UNG: variants seen among roughly 807,000 people sequenced by gnomAD.
UNG encodes uracil DNA glycosylase, also known as uracil-DNA glycosylase.
A neutral mutation model predicts 36.5 loss-of-function variants in UNG; 34 were observed. The ratio of observed to expected loss-of-function variants is 0.93; its 90% confidence interval spans 0.71 to 1.24. The LOEUF is 1.24. UNG is among the 50% of genes most tolerant of loss of function. UNG has a pLI of 0.00. For synonymous variants in UNG, 172 were observed against 157.8 expected, an observed-to-expected ratio of 1.09 and a Z score of -0.67; for missense variants, 391 against 397.6, an observed-to-expected ratio of 0.98 and a Z score of 0.14.
At chr12:109,108,960 G>T (rs993025382) in intron 6 of UNG, among the ~76,000 whole-genome samples, 1 of 152,104 alleles carries the variant, frequency 6.6e-6, no homozygotes, top group East Asian at 1.9e-4. Flanking sequence ...TCAGTACAGT[G>T]TTCAATGAGT....
At position 109,110,910 on chromosome 12, in the gene UNG, C is replaced by T. The variant is rs537943191; in HGVS notation, c.*941C>T. 2 of 152,200 alleles carry T rather than the reference C, an allele frequency of 1.3e-5. No homozygotes were observed. The highest frequency in any genetic ancestry group is 2.4e-5 in the African/African-American group (1 of 41,524). The allele number at this position is 152,200 out of a possible 1,614,324, so 9.4% of individuals were successfully genotyped here. On this transcript the variant is annotated 3_prime_UTR_variant, in exon 7 of 7. Coordinates refer to ENST00000242576, the MANE Select transcript of UNG (RefSeq NM_080911.3). ...TTGGGTCTGCACCTCCATCCTTGATCTTGTTAGCAATGCTGTTTTTGCTGT... is the reference window on the plus strand; with the variant it reads ...TTGGGTCTGCACCTCCATCCTTGATTTTGTTAGCAATGCTGTTTTTGCTGT...
chr12:109,101,934 T>C lies in UNG; in HGVS notation c.468T>C (p.Tyr156=). 1 of 1,614,076 alleles carries C rather than the reference T, an allele frequency of 6.2e-7. No homozygotes were observed. Among genetic ancestry groups the C allele is most frequent in the Non-Finnish European group, 8.5e-7 (1 of 1,179,994 alleles). ...TTGTCATCCTGGGACAGGATCCATA[T>C]CATGGACCTAATCAAGCTCACGGGC... ...VKVVILGQDP[Y]HGPNQAHGLC... The change falls in exon 4 of 7, where the codon TAT becomes TAC. Residue 156 remains tyrosine, a synonymous_variant. Transcript: ENST00000242576.
chr12:109,108,558 G>C (rs1383494561), intron 6 of UNG, among the ~76,000 whole-genome samples: 1 of 152,142 alleles, frequency 6.6e-6, no homozygotes, highest in Non-Finnish European at 1.5e-5. Context: ...CTTGAGCCTA[G>C]GAGGTGGAGG....
intron 4 of UNG, 103 bp from the exon 5 acceptor site, chr12:109,102,736 T>A (rs2042187481): frequency 1.1e-6 from 1 of 913,600 alleles, no homozygotes; most frequent in Middle Eastern, 2.2e-4. Context: ...TTCCAAGGGC[T>A]GGCTGTAACT....
Position 109,110,414 on chromosome 12 carries a change from C to T in UNG, c.*445C>T, listed in dbSNP as rs769388131. ...TCTCAGCCTTGCAGGGCAGGCATGC[C>T]AGTCTCTGCCAGTTCCACTGCCCCC... On this transcript the variant is annotated 3_prime_UTR_variant, in exon 7 of 7. Coordinates refer to ENST00000242576, the MANE Select transcript of UNG (RefSeq NM_080911.3). The T allele has an allele frequency of 6.9e-5, 15 of 216,786 alleles. No homozygotes were observed. Among genetic ancestry groups the T allele is most frequent in the Non-Finnish European group, 1.1e-4 (12 of 106,506 alleles). The allele number at this position is 216,786 out of a possible 1,614,324, so 13.4% of individuals were successfully genotyped here.
chr12:109,104,697 A>G (rs117999862), intron 6 of UNG, among the ~76,000 whole-genome samples: 1 of 151,942 alleles, frequency 6.6e-6, no homozygotes, highest in African/African-American at 2.4e-5. Flanking sequence ...GGAGGGAGAG[A>G]TAGGGGGTGG....
In UNG at chr12:109,099,173, T is replaced by A. The variant is rs771487677; in HGVS notation, c.340-16T>A. 1.2e-6 allele frequency: 2 copies of A among 1,606,260 alleles called. No individual in the cohort carries two copies. Among genetic ancestry groups the A allele is most frequent in the South Asian group, 2.2e-5 (2 of 90,898 alleles). The stretch of plus-strand genomic sequence containing the variant: ...AATGAGAATCTGATTTTAAGTCTAG[T>A]TTATCTTTAAATCAGCTAATGGGAT... On this transcript the variant is annotated splice_polypyrimidine_tract_variant and intron_variant, in intron 2 of 6. Transcript: ENST00000242576.
intron 6 of UNG, among the ~76,000 whole-genome samples, chr12:109,106,907 A>G (rs55654931): frequency 0.02 from 577 of 29,564 alleles, 2 homozygotes; most frequent in East Asian, 0.065. Flanking sequence ...ATATATACGT[A>G]TATATATATG....
rs1347684951 is a variant in UNG at position 109,099,369 on chromosome 12, G to A, written c.435+85G>A. On this transcript the variant is annotated intron_variant, in intron 3 of 6. Coordinates refer to ENST00000242576, the MANE Select transcript of UNG (RefSeq NM_080911.3). ...TTAGGGACACTGGAGTTAAGCCACA[G>A]TCCATCATTCAGTAGTAAATAAAAC... is the stretch of plus-strand genomic sequence containing the variant. 4.8e-5 allele frequency: 55 copies of A among 1,153,072 alleles called. No homozygotes were observed. The East Asian group carries it at 1.3e-3, about 27-fold the overall frequency. 71.4% of individuals were successfully genotyped at this position (1,153,072 alleles called of 1,614,324 possible). A position where few individuals can be genotyped will look rare whatever the true frequency, so the allele number is the denominator to read the frequency against.
chr12:109,098,159 G>C, intron 1 of UNG: 3 of 1,394,122 alleles, frequency 2.2e-6, no homozygotes, highest in Non-Finnish European at 2.8e-6. Context: ...TCTGGCGGGG[G>C]CGGGGCACCT....
chr12:109,100,128 G>A (rs189088822), intron 3 of UNG, among the ~76,000 whole-genome samples: 8 of 151,988 alleles, frequency 5.3e-5, no homozygotes, highest in Non-Finnish European at 8.8e-5. Context: ...TCTTTAAATA[G>A]GGCCACGTCC....
chr12:109,109,763 C>CAAAAAAAAAA lies in UNG; in HGVS notation c.802-57_802-48dup, dbSNP rs71079524. On this transcript the variant is annotated intron_variant, in intron 6 of 6. Transcript: ENST00000242576. ...ACGCCACTGCAGCAAGACTCTGTCT[C>CAAAAAAAAAA]AAAAAAAAAAAAAAAAAATTTAAAA... is the stretch of plus-strand genomic sequence containing the variant. 42 of 1,303,076 alleles carry CAAAAAAAAAA rather than the reference C, an allele frequency of 3.2e-5. No individual in the cohort carries two copies. The African/African-American group carries it at 6.7e-4, about 21-fold the overall frequency. 80.7% of individuals were successfully genotyped at this position (1,303,076 alleles called of 1,614,324 possible). A position where few individuals can be genotyped will look rare whatever the true frequency, so the allele number is the denominator to read the frequency against.
chr12:109,099,370 T>G, intron 3 of UNG, 86 bp downstream of exon 3: 1 of 1,140,924 alleles, frequency 8.8e-7, no homozygotes, highest in Admixed American at 1.8e-5. Flanking sequence ...TAAGCCACAG[T>G]CCATCATTCA....
At chr12:109,109,534 A>G (rs534217754) in intron 6 of UNG, among the ~76,000 whole-genome samples, 8 of 151,768 alleles carry the variant, frequency 5.3e-5, no homozygotes, top group Non-Finnish European at 7.4e-5. Context: ...CTGTAATCCC[A>G]GCACTTTGGG....
At chr12:109,101,268 T>C (rs541710193) in intron 3 of UNG, among the ~76,000 whole-genome samples, 1 of 151,866 alleles carries the variant, frequency 6.6e-6, no homozygotes, top group Non-Finnish European at 1.5e-5. Flanking sequence ...AATTTTTGTA[T>C]TTTTAGTAGA....
intron 3 of UNG, among the ~76,000 whole-genome samples, chr12:109,100,370 C>T (rs1040273776): frequency 7.2e-5 from 11 of 152,168 alleles, no homozygotes; most frequent in African/African-American, 2.4e-4. Context: ...TTTCCTCCCC[C>T]GTTTTGTAAA....
rs2042143513 is a variant in UNG, at chr12:109,097,890, G to A, written c.132+79G>A. 6 of 1,428,588 alleles carry A rather than the reference G, an allele frequency of 4.2e-6. No individual in the cohort carries two copies. In the East Asian group the frequency reaches 1.5e-4, roughly 36 times the overall value. The allele number at this position is 1,428,588 out of a possible 1,614,324, so 88.5% of individuals were successfully genotyped here. A position where few individuals can be genotyped will look rare whatever the true frequency, so the allele number is the denominator to read the frequency against. ...GCCCCGCCTGACGGAGGGCGTGCAGGATCGCGCCTCTGACTCGGTAAACCC... is the reference window on the plus strand; with the variant it reads ...GCCCCGCCTGACGGAGGGCGTGCAGAATCGCGCCTCTGACTCGGTAAACCC... On this transcript the variant is annotated intron_variant, in intron 1 of 6. Coordinates refer to ENST00000242576, the MANE Select transcript of UNG (RefSeq NM_080911.3).
At chr12:109,103,343 A>G (rs2042192525) in intron 5 of UNG, 90 bp from the exon 6 acceptor site, 24 of 1,238,516 alleles carry the variant, frequency 1.9e-5, no homozygotes, top group East Asian at 4.7e-5. Context: ...CCCATCAAGC[A>G]TTGGTTTCAT....
chr12:109,108,020 T>C (rs1408211765), intron 6 of UNG, among the ~76,000 whole-genome samples: 1 of 152,202 alleles, frequency 6.6e-6, no homozygotes. Context: ...AAAAATGAAA[T>C]TATTTTGCAT....
Sources: allele counts gnomAD v4.1 joint callset (sites outside exome capture counted in the v4.1 genomes callset), GRCh38; gene constraint gnomAD v4.1.1; transcripts MANE v1.5; gene names NCBI Gene and HGNC (gene_info 2026-07-23, HGNC 2026-07-21).